TGFB1: variants seen among roughly 807,000 people sequenced by gnomAD.
TGFB1 encodes the protein transforming growth factor beta 1, also known as transforming growth factor beta-1 proprotein.
TGFB1 carries 19 observed loss-of-function variants against 43.8 expected under a neutral mutation model. The ratio of observed to expected loss-of-function variants is 0.43; its 90% CI spans 0.30 to 0.64. The LOEUF is 0.64. Ranked by LOEUF, TGFB1 falls within the 30% of genes least tolerant of loss-of-function variation. The probability of loss-of-function intolerance (pLI) is 0.11; values close to 1 mark genes in which losing one functional copy is unlikely to be tolerated. For synonymous variants in TGFB1, 221 were observed against 236.3 expected, an observed-to-expected ratio of 0.94 and a Z score of 0.60; for missense variants, 445 against 529.8, an observed-to-expected ratio of 0.84 and a Z score of 1.57.
chr19:41,331,886 A>C (rs1194716580), intron 6 of TGFB1, among the ~76,000 whole-genome samples: 1 of 147,124 alleles, frequency 6.8e-6, no homozygotes, highest in Non-Finnish European at 1.5e-5. Context: ...CTTCACCCCC[A>C]TCCCTCTGTT....
chr19:41,348,557 G>A (rs1019228077), intron 1 of TGFB1, 102 bp from the exon 2 acceptor site: 32 of 1,005,738 alleles, frequency 3.2e-5, no homozygotes, highest in Non-Finnish European at 5.0e-5. Flanking sequence ...CTCTGGGGTG[G>A]AGTCAGTCTC....
At chr19:41,344,316 A>C (rs1311516724) in intron 3 of TGFB1, among the ~76,000 whole-genome samples, 2 of 151,674 alleles carry the variant, frequency 1.3e-5, no homozygotes, top group Non-Finnish European at 2.9e-5. Flanking sequence ...CCTTTTCCTG[A>C]CCATTCTACT....
At chr19:41,339,026 G>A (rs1465903992) in intron 5 of TGFB1, among the ~76,000 whole-genome samples, 1 of 151,928 alleles carries the variant, frequency 6.6e-6, no homozygotes, top group African/African-American at 2.4e-5. Context: ...AAGAAACTGG[G>A]TGAGGTTTCT....
In TGFB1 at chr19:41,332,669, G is replaced by T. The variant is rs151179235; in HGVS notation, c.861-388C>A. Among the ~76,000 whole-genome samples the T allele has an allele frequency of 3.1e-3, 476 of 152,298 alleles. 9 individuals are homozygous for T. Among genetic ancestry groups the T allele is most frequent in the East Asian group, 7.5e-3 (39 of 5,188 alleles). On this transcript the variant is annotated intron_variant, in intron 5 of 6. Transcript: ENST00000221930. ...CAAATGTTTATTGAACTACTACTGT[G>T]TGCTGGGCTGGGATCTACTGTGGAC...
chr19:41,342,190 G>C lies in TGFB1; in HGVS notation c.692C>G (p.Thr231Arg). ...AHCSCDSRDN[T>R]LQVDINGFTT... ...CTCACCGTTGATGTCCACTTGCAGT[G>C]TGTTATCCCTGCTGTCACAGGAGCA... Residue 231 changes from threonine to arginine, a missense_variant, in exon 4 of 7, where the codon ACA becomes AGA. Coordinates refer to ENST00000221930, the MANE Select transcript of TGFB1 (RefSeq NM_000660.7). 1.2e-6 allele frequency: 2 copies of C among 1,609,062 alleles called. No individual in the cohort carries two copies. The highest frequency in any genetic ancestry group is 1.7e-6 in the Non-Finnish European group (2 of 1,177,628).
In TGFB1 at chr19:41,332,112, G is replaced by A. The variant is rs1254822072; in HGVS notation, c.1014+16C>T. 4 of 1,605,754 alleles carry A rather than the reference G, an allele frequency of 2.5e-6. No homozygotes were observed. Among genetic ancestry groups the A allele is most frequent in the Admixed American group, 1.7e-5 (1 of 59,848 alleles). ...TCCCCCCAAGCGCATCTCGTAGCCC[G>A]GTGGGCCAGACGTACCTTGCTGTAC... On this transcript the variant is annotated intron_variant, in intron 6 of 6. Coordinates refer to ENST00000221930, the MANE Select transcript of TGFB1 (RefSeq NM_000660.7).
In TGFB1 at chr19:41,348,435, G is replaced by C; in HGVS notation, c.376C>G (p.Gln126Glu). ...THNEIYDKFK[Q>E]STHSIYMFFN... ...AACATATATATGCTGTGTGTACTCT[G>C]CTTGAACTTGTCATAGATTTCTAGC... The change falls in exon 2 of 7, where the codon CAG (glutamine) becomes GAG (glutamate). Residue 126 changes from glutamine to glutamate, a missense_variant. This residue lies in a region of TGFB1 where 366 missense variants were observed against 428.8 expected (regional missense o/e 0.85). Transcript: ENST00000221930. 3 of 1,613,280 alleles carry C rather than the reference G, an allele frequency of 1.9e-6. No individual in the cohort carries two copies. The highest frequency in any genetic ancestry group is 2.5e-6 in the Non-Finnish European group (3 of 1,179,618).
At chr19:41,337,332 G>A (rs935649445) in intron 5 of TGFB1, among the ~76,000 whole-genome samples, 1 of 152,072 alleles carries the variant, frequency 6.6e-6, no homozygotes, top group African/African-American at 2.4e-5. Context: ...GTAGAGAGGA[G>A]GTTTCACCAC....
intron 2 of TGFB1, among the ~76,000 whole-genome samples, chr19:41,345,179 A>G (rs2038101970): frequency 6.6e-6 from 1 of 152,222 alleles, no homozygotes; most frequent in Non-Finnish European, 1.5e-5. Context: ...CAGCGTGGAC[A>G]GCCCACAATG....
chr19:41,339,681 G>A (rs868198491), intron 5 of TGFB1, among the ~76,000 whole-genome samples: 5 of 151,928 alleles, frequency 3.3e-5, no homozygotes, highest in South Asian at 2.1e-4. Flanking sequence ...AAAATTAGCC[G>A]GGTGTGGTGG....
intron 5 of TGFB1, among the ~76,000 whole-genome samples, chr19:41,333,207 CTAT>C (rs2037953513): frequency 4.1e-5 from 5 of 120,742 alleles, no homozygotes; most frequent in African/African-American, 1.3e-4. Context: ...CTTTTTTTTT[CTAT>C]TTTTTTTTTT....
At chr19:41,350,027 CG>C (rs1042031568) in intron 1 of TGFB1, among the ~76,000 whole-genome samples, 6 of 151,682 alleles carry the variant, frequency 4.0e-5, no homozygotes, top group Non-Finnish European at 8.8e-5. Context: ...GTCCCCCAGA[CG>C]GAAGTGCAGT....
chr19:41,337,734 C>T (rs1302424058), intron 5 of TGFB1, among the ~76,000 whole-genome samples: 2 of 152,156 alleles, frequency 1.3e-5, no homozygotes, highest in African/African-American at 2.4e-5. Flanking sequence ...TTTCTTCCAC[C>T]TCTGCCCTGA....
Position 41,353,085 on chromosome 19 carries a change from A to T in TGFB1, c.-41T>A. On this transcript the variant is annotated 5_prime_UTR_variant, in exon 1 of 7. Coordinates refer to ENST00000221930, the MANE Select transcript of TGFB1 (RefSeq NM_000660.7). This position sits in a 1 kb window ranked among gnomAD's most constrained non-coding sequence, Gnocchi z 5.9. ...CCCCGGCACTGCCGAGAGCGCGAAC[A>T]GGGCTGGTGTGGTGGGGAGGCCCCG... The T allele has an allele frequency of 6.8e-7, 1 of 1,477,444 alleles. No individual in the cohort carries two copies. Among genetic ancestry groups the T allele is most frequent in the South Asian group, 1.3e-5 (1 of 75,334 alleles). The allele number at this position is 1,477,444 out of a possible 1,614,324, so 91.5% of individuals were successfully genotyped here. A position where few individuals can be genotyped will look rare whatever the true frequency, so the allele number is the denominator to read the frequency against.
chr19:41,350,449 C>G (rs749041636), intron 1 of TGFB1, among the ~76,000 whole-genome samples: 2 of 151,694 alleles, frequency 1.3e-5, no homozygotes, highest in Non-Finnish European at 2.9e-5. Context: ...GGATTACAGG[C>G]GCCGCCCGCC....
Position 41,341,996 on chromosome 19 carries a change from G to A in TGFB1, c.747C>T (p.Thr249=), listed in dbSNP as rs1252698532. 1 of 1,614,218 alleles carries A rather than the reference G, an allele frequency of 6.2e-7. No individual in the cohort carries two copies. Among genetic ancestry groups the A allele is most frequent in the African/African-American group, 1.3e-5 (1 of 75,064 alleles). The change falls in exon 5 of 7, where the codon ACC becomes ACT. Residue 249 remains threonine, a synonymous_variant. Coordinates refer to ENST00000221930, the MANE Select transcript of TGFB1 (RefSeq NM_000660.7). The part of the protein sequence containing the change: ...FTTGRRGDLA[T]IHGMNRPFLL... ...GGAAAGGCCGGTTCATGCCATGAAT[G>A]GTGGCCAGGTCACCTCGGCGGCCGG... is the stretch of plus-strand genomic sequence containing the variant.
At chr19:41,339,086 A>G (rs28730295) in intron 5 of TGFB1, among the ~76,000 whole-genome samples, 1 of 150,610 alleles carries the variant, frequency 6.6e-6, no homozygotes, top group East Asian at 1.9e-4. Context: ...CTTTCTAGAA[A>G]ACTGTTAGGA....
chr19:41,352,975 C>G lies in TGFB1; in HGVS notation c.70G>C (p.Gly24Arg). Residue 24 changes from glycine to arginine, a missense_variant, in exon 1 of 7, where the codon GGC (glycine) becomes CGC (arginine). Physicochemically the swap from Gly to Arg is moderately radical, Grantham distance 125. Around this residue, in one of 3 missense-constraint regions of TGFB1, gnomAD observed 366 missense variants for 428.8 expected, o/e 0.85. Transcript: ENST00000221930. ...GTGGATAGTCCCGCGGCCGGCCGGC[C>G]AGGCGTCAGCACCAGTAGCCACAGC... ...PLLWLLVLTP[G>R]RPAAGLSTCK... The G allele has an allele frequency of 6.5e-7, 1 of 1,542,546 alleles. No individual in the cohort carries two copies. The highest frequency in any genetic ancestry group is 1.4e-5 in the African/African-American group (1 of 73,210).
intron 3 of TGFB1, among the ~76,000 whole-genome samples, chr19:41,343,980 CTTTTT>C (rs3061192): frequency 1.0e-5 from 1 of 98,638 alleles, no homozygotes; most frequent in Admixed American, 1.2e-4. Context: ...TGCCTGGAAT[CTTTTT>C]TTTTTTTTTT....
Sources: allele counts gnomAD v4.1 joint callset (sites outside exome capture counted in the v4.1 genomes callset), GRCh38; gene constraint gnomAD v4.1.1; regional missense constraint gnomAD v4.1.1; non-coding constraint Gnocchi (gnomAD v3.1); transcripts MANE v1.5; gene names NCBI Gene and HGNC (gene_info 2026-07-23, HGNC 2026-07-21).